The following SMCHD1 variants were observed in gnomAD, a reference collection of about 807,000 sequenced individuals.
SMCHD1 encodes structural maintenance of chromosomes flexible hinge domain-containing protein 1.
Under a neutral mutation model 254.7 loss-of-function variants are expected in SMCHD1, and 78 were observed. The ratio of observed to expected loss-of-function variants is 0.31; its 90% CI spans 0.26 to 0.37. The LOEUF is 0.37. Ranked by LOEUF, SMCHD1 falls within the 10% of genes least tolerant of loss-of-function variation. SMCHD1 has a pLI of 1.00. For synonymous variants in SMCHD1, 766 were observed against 794.9 expected, an observed-to-expected ratio of 0.96 and a Z score of 0.61; for missense variants, 1,840 against 2,408.1, an observed-to-expected ratio of 0.76 and a Z score of 4.94.
intron 1 of SMCHD1, among the ~76,000 whole-genome samples, chr18:2,660,576 C>G (rs1051732808): frequency 6.7e-6 from 1 of 150,180 alleles, no homozygotes; most frequent in Non-Finnish European, 1.5e-5. Context: ...CAAGTTCCAG[C>G]GATTCTCCTG....
rs779168930 is a variant in SMCHD1 at position 2,796,591 on chromosome 18, G to GT, written c.5993+77dup. On this transcript the variant is annotated intron_variant, in intron 47 of 47. Transcript: ENST00000320876. ...AGTTCTTGGGTCTCATGATAGCTTT[G>GT]TTTTTTTGAGATGAAGTCTTGCTCT... The GT allele has an allele frequency of 7.1e-4, 726 of 1,025,562 alleles. 1 individual carries two copies. The highest frequency in any genetic ancestry group is 1.0e-3 in the Admixed American group (48 of 45,954). The allele number at this position is 1,025,562 out of a possible 1,614,324, so 63.5% of individuals were successfully genotyped here.
chr18:2,763,566 T>A, intron 36 of SMCHD1, 71 bp from the exon 37 acceptor site: 2 of 1,221,286 alleles, frequency 1.6e-6, no homozygotes, highest in Non-Finnish European at 2.2e-6. Flanking sequence ...TATTTCTGAT[T>A]TGTACATGCT....
At chr18:2,713,408 T>C (rs2074723464) in intron 17 of SMCHD1, among the ~76,000 whole-genome samples, 4 of 152,232 alleles carry the variant, frequency 2.6e-5, no homozygotes, top group Admixed American at 2.6e-4. Context: ...AACATGTTTC[T>C]TTCTCTATTG....
intron 5 of SMCHD1, among the ~76,000 whole-genome samples, chr18:2,687,092 T>C (rs2074068785): frequency 6.6e-6 from 1 of 152,214 alleles, no homozygotes; most frequent in African/African-American, 2.4e-5. Flanking sequence ...ACTTAAGGAC[T>C]TCATTAGCTT....
chr18:2,739,363 CTGTAGCA>C, intron 26 of SMCHD1, 62 bp from the exon 27 acceptor site: 2 of 1,067,986 alleles, frequency 1.9e-6, no homozygotes, highest in Non-Finnish European at 2.9e-6. Context: ...ATGTGTTATT[CTGTAGCA>C]TGTTGGAACT....
At chr18:2,758,135 T>C (rs2075717935) in intron 34 of SMCHD1, among the ~76,000 whole-genome samples, 1 of 152,178 alleles carries the variant, frequency 6.6e-6, no homozygotes, top group Non-Finnish European at 1.5e-5. Flanking sequence ...ATCTTTGTCT[T>C]CTCATTGAAA....
At position 2,697,061 on chromosome 18, in the gene SMCHD1, C is replaced by T; in HGVS notation, c.1070C>T (p.Pro357Leu). The T allele has an allele frequency of 6.7e-7, 1 of 1,500,042 alleles. No individual in the cohort carries two copies. 92.9% of individuals were successfully genotyped at this position (1,500,042 alleles called of 1,614,324 possible). A position where few individuals can be genotyped will look rare whatever the true frequency, so the allele number is the denominator to read the frequency against. The change falls in exon 9 of 48, where the codon CCA becomes CTA. Residue 357 changes from proline (P) to leucine (L), a missense_variant. Physicochemically the swap from Pro to Leu is moderately conservative, Grantham distance 98. This residue lies in a region of SMCHD1 where 498 missense variants were observed against 743.5 expected (regional missense o/e 0.67). Coordinates refer to ENST00000320876, the MANE Select transcript of SMCHD1 (RefSeq NM_015295.3). ...ATTTATCACTACTATATTCATGGCC[C>T]AAAAGGAAATGAAATACGAACATCA... Reference protein sequence around the residue: ...AHIYHYYIHGPKGNEIRTSKE... With the variant: ...AHIYHYYIHGLKGNEIRTSKE...
chr18:2,802,209 C>A (rs1422153101), intron 47 of SMCHD1, among the ~76,000 whole-genome samples: 1 of 151,966 alleles, frequency 6.6e-6, no homozygotes, highest in East Asian at 1.9e-4. Flanking sequence ...ATAATAAGTT[C>A]ATTTAAGGAA....
intron 1 of SMCHD1, among the ~76,000 whole-genome samples, chr18:2,662,280 A>C (rs947111998): frequency 3.3e-5 from 5 of 152,036 alleles, no homozygotes; most frequent in Non-Finnish European, 5.9e-5. Context: ...GTTTAGGTGA[A>C]CATAGATCTT....
At chr18:2,703,910 T>A (rs1479341495) in intron 13 of SMCHD1, 24 bp downstream of exon 13, 3 of 1,496,806 alleles carry the variant, frequency 2.0e-6, no homozygotes. Flanking sequence ...ATTGTCACTT[T>A]TTTCTTATAA....
chr18:2,657,758 T>C (rs1036493137), intron 1 of SMCHD1, among the ~76,000 whole-genome samples: 10 of 152,318 alleles, frequency 6.6e-5, no homozygotes, highest in Admixed American at 5.9e-4. Flanking sequence ...AAATGGTCCA[T>C]TTGCTACCAC....
chr18:2,663,190 C>T (rs569065383), intron 1 of SMCHD1, among the ~76,000 whole-genome samples: 7 of 152,256 alleles, frequency 4.6e-5, no homozygotes, highest in South Asian at 2.1e-4. Flanking sequence ...ACTGCAGCCT[C>T]GGCTTCCCAG....
At chr18:2,796,757 T>C in intron 47 of SMCHD1, 1 of 435,106 alleles carries the variant, frequency 2.3e-6, no homozygotes, top group Non-Finnish European at 4.1e-6. Flanking sequence ...ATTTTTTGTA[T>C]TTTTTTGTAG....
At chr18:2,727,543 T>G (rs931681656) in intron 22 of SMCHD1, among the ~76,000 whole-genome samples, 5 of 152,062 alleles carry the variant, frequency 3.3e-5, no homozygotes, top group African/African-American at 1.2e-4. Context: ...GTTCTTTTTG[T>G]GGGGTAAATA....
chr18:2,781,498 T>A (rs2076156094), intron 44 of SMCHD1, among the ~76,000 whole-genome samples: 1 of 152,190 alleles, frequency 6.6e-6, no homozygotes, highest in Admixed American at 6.6e-5. Flanking sequence ...GGAAATAATT[T>A]CCACATTGAA....
At chr18:2,696,034 A>G (rs60000964) in intron 8 of SMCHD1, among the ~76,000 whole-genome samples, 4,592 of 152,292 alleles carry the variant, frequency 0.03, 239 homozygotes, top group African/African-American at 0.1. Context: ...ATGAAGAAAT[A>G]TTGCAAATTT....
rs747684310 is a variant in SMCHD1 at position 2,771,596 on chromosome 18, T to C, written c.5030T>C (p.Ile1677Thr). The C allele has an allele frequency of 1.3e-6, 2 of 1,568,720 alleles. No individual in the cohort carries two copies. Among genetic ancestry groups the C allele is most frequent in the Non-Finnish European group, 1.7e-6 (2 of 1,167,778 alleles). The change falls in exon 40 of 48, where the codon ATT becomes ACT. Residue 1677 changes from isoleucine (I) to threonine (T), a missense_variant. Transcript: ENST00000320876. ...CGAAATGAACTAAAAATACATAATA[T>C]TGACATTCCTACAACACAACAGGTA... is the stretch of plus-strand genomic sequence containing the variant. The part of the protein sequence containing the change: ...QLRNELKIHN[I>T]DIPTTQQVPH...
intron 17 of SMCHD1, among the ~76,000 whole-genome samples, chr18:2,713,555 T>G (rs1238898215): frequency 2.0e-5 from 3 of 152,074 alleles, no homozygotes; most frequent in African/African-American, 7.2e-5. Context: ...TGTGGTGATG[T>G]GCGCCTGTAA....
chr18:2,729,380 C>A lies in SMCHD1; in HGVS notation c.3019C>A (p.Gln1007Lys). The A allele has an allele frequency of 1.3e-6, 2 of 1,540,744 alleles. No individual in the cohort carries two copies. Among genetic ancestry groups the A allele is most frequent in the East Asian group, 2.4e-5 (1 of 41,782 alleles). ...TCAAGTTCAGAATATTAAAAAAGAC[C>A]AGACGCTTAAAGCAAGAATTGAAAT... Reference protein sequence around the residue: ...AIQVQNIKKDQTLKARIEIPS... With the variant: ...AIQVQNIKKDKTLKARIEIPS... Residue 1007 changes from glutamine (Q) to lysine (K), a missense_variant, in exon 24 of 48, where the codon CAG (glutamine) becomes AAG (lysine). By Grantham distance (53) the Gln-to-Lys change is moderately conservative. Around this residue, in one of 9 missense-constraint regions of SMCHD1, gnomAD observed 881 missense variants for 1,009.5 expected, o/e 0.87. Coordinates refer to ENST00000320876, the MANE Select transcript of SMCHD1 (RefSeq NM_015295.3).
Sources: gnomAD v4.1 joint callset for allele counts (sites outside exome capture counted in the v4.1 genomes callset) on GRCh38, gnomAD v4.1.1 for gene constraint, gnomAD v4.1.1 regional missense constraint, MANE v1.5 for transcripts, NCBI Gene and HGNC (gene_info 2026-07-23, HGNC 2026-07-21) for gene names.